HPSE2: variants seen among roughly 807,000 people sequenced by gnomAD.
HPSE2 encodes inactive heparanase-2.
In HPSE2, 38 loss-of-function variants were observed where a neutral mutation model predicts 60.5. The ratio of observed to expected loss-of-function variants is 0.63; its 90% CI spans 0.48 to 0.82. The LOEUF (loss-of-function observed/expected upper bound fraction) is 0.82. HPSE2 is among the 40% of genes least tolerant of loss of function. HPSE2 has a pLI of 0.00. For synonymous variants in HPSE2, 295 were observed against 293.2 expected (o/e 1.01, Z -0.06); for missense variants, 713 against 740.4 (o/e 0.96, Z 0.43).
intron 9 of HPSE2, among the ~76,000 whole-genome samples, chr10:98,539,571 G>A (rs1943395431): frequency 6.6e-6 from 1 of 152,112 alleles, no homozygotes; most frequent in Non-Finnish European, 1.5e-5. Context: ...AAAGCTGTGT[G>A]ATCCTGTTTT....
intron 3 of HPSE2, among the ~76,000 whole-genome samples, chr10:98,885,800 T>C (rs796622862): frequency 1.4e-4 from 21 of 152,242 alleles, no homozygotes; most frequent in African/African-American, 4.6e-4. Flanking sequence ...AAAAACCTCA[T>C]ATGACTTGCT....
intron 10 of HPSE2, among the ~76,000 whole-genome samples, chr10:98,486,853 T>C (rs1414264693): frequency 6.6e-6 from 1 of 152,192 alleles, no homozygotes; most frequent in Non-Finnish European, 1.5e-5. Context: ...AAAGCCCCTG[T>C]GTATTTTAAG....
intron 3 of HPSE2, among the ~76,000 whole-genome samples, chr10:99,119,723 T>C (rs556998837): frequency 8.5e-5 from 13 of 152,154 alleles, no homozygotes; most frequent in Admixed American, 3.9e-4. Context: ...CACCAAAACA[T>C]CATGGCACTG....
intron 9 of HPSE2, among the ~76,000 whole-genome samples, chr10:98,533,704 C>T (rs1425955251): frequency 6.6e-6 from 1 of 152,126 alleles, no homozygotes; most frequent in African/African-American, 2.4e-5. Flanking sequence ...GTAAATACTG[C>T]TCACCCTAAG....
chr10:98,562,721 A>G (rs1260784530), intron 9 of HPSE2, among the ~76,000 whole-genome samples: 1 of 151,866 alleles, frequency 6.6e-6, no homozygotes, highest in Non-Finnish European at 1.5e-5. Context: ...TCTCAAAAAA[A>G]AAAAAAAAAA....
At chr10:99,121,688 G>A (rs1844959637) in intron 3 of HPSE2, among the ~76,000 whole-genome samples, 1 of 152,118 alleles carries the variant, frequency 6.6e-6, no homozygotes, top group Non-Finnish European at 1.5e-5. Flanking sequence ...CAAGATTTAT[G>A]AGCTCTCCTG....
At chr10:98,822,826 G>A (rs1347042093) in intron 3 of HPSE2, among the ~76,000 whole-genome samples, 1 of 152,204 alleles carries the variant, frequency 6.6e-6, no homozygotes, top group Non-Finnish European at 1.5e-5. Context: ...GCGGAATGAT[G>A]GCTGCCCTCT....
At chr10:99,268,439 C>T in the HPSE2 span, among the ~76,000 whole-genome samples, 4 of 151,724 alleles carry the variant, frequency 2.6e-5, no homozygotes, top group South Asian at 2.1e-4. Context: ...GTCAGGAGTT[C>T]GAGAACAGCC....
intron 5 of HPSE2, among the ~76,000 whole-genome samples, chr10:98,706,727 G>A (rs1271758358): frequency 1.3e-5 from 2 of 152,160 alleles, no homozygotes; most frequent in East Asian, 3.9e-4. Flanking sequence ...AAAATGAGCT[G>A]TTCACAGAAG....
chr10:98,461,565 G>C (rs1940291522), intron 11 of HPSE2, among the ~76,000 whole-genome samples: 1 of 152,166 alleles, frequency 6.6e-6, no homozygotes, highest in African/African-American at 2.4e-5. Flanking sequence ...GCCCAGATGG[G>C]TCTTCACAGT....
rs186301197 is a variant in HPSE2, at chr10:98,564,366, G to A, written c.1320+50538C>T. 2.6e-5 allele frequency among the ~76,000 whole-genome samples: 4 copies of A among 152,268 alleles called. No homozygotes were observed. In the East Asian group the frequency reaches 7.7e-4, roughly 29 times the overall value. On this transcript the variant is annotated intron_variant, in intron 9 of 11. Coordinates refer to ENST00000370552, the MANE Select transcript of HPSE2 (RefSeq NM_021828.5). ...GTGTAATAGTAGTACTAAATTTATA[G>A]GCATTTTTTTGAGGATGAAGTGTGG...
At chr10:98,774,292 T>G (rs1950297598) in intron 3 of HPSE2, among the ~76,000 whole-genome samples, 1 of 152,022 alleles carries the variant, frequency 6.6e-6, no homozygotes, top group Admixed American at 6.6e-5. Flanking sequence ...GACTAATATA[T>G]TCAAGAGAAA....
chr10:99,083,147 G>A (rs1375993448), intron 3 of HPSE2, among the ~76,000 whole-genome samples: 1 of 152,182 alleles, frequency 6.6e-6, no homozygotes, highest in African/African-American at 2.4e-5. Context: ...AAGCCTTCAA[G>A]CATGTAAAGG....
rs1054574752 is a variant in HPSE2, at chr10:99,033,739, C to T, written c.610+110499G>A. Reference sequence around the variant, plus strand: ...TGAAGCTTGCAGTAAGCCAAGATGGCGCCACTCACTGCACTCCAGCCTGAG... The same window carrying T: ...TGAAGCTTGCAGTAAGCCAAGATGGTGCCACTCACTGCACTCCAGCCTGAG... On this transcript the variant is annotated intron_variant, in intron 3 of 11. Transcript: ENST00000370552. Among the ~76,000 whole-genome samples the T allele has an allele frequency of 3.3e-5, 5 of 151,616 alleles. No individual in the cohort carries two copies. In the South Asian group the frequency reaches 6.2e-4, roughly 19 times the overall value.
chr10:98,602,475 G>A (rs1404544085), intron 9 of HPSE2, among the ~76,000 whole-genome samples: 1 of 152,000 alleles, frequency 6.6e-6, no homozygotes, highest in Non-Finnish European at 1.5e-5. Context: ...TCTTGAAAAA[G>A]AACATATTCA....
At chr10:99,186,008 A>G (rs1238458475) in intron 2 of HPSE2, among the ~76,000 whole-genome samples, 1 of 151,998 alleles carries the variant, frequency 6.6e-6, no homozygotes, top group Non-Finnish European at 1.5e-5. Context: ...GAACAGGGCC[A>G]AAGAAATAAT....
intron 9 of HPSE2, among the ~76,000 whole-genome samples, chr10:98,556,886 T>G (rs908221453): frequency 2.0e-5 from 3 of 152,162 alleles, no homozygotes; most frequent in Non-Finnish European, 4.4e-5. Flanking sequence ...GGAAGAGACT[T>G]ATACCACCAG....
At chr10:99,007,664 G>C (rs1290468214) in intron 3 of HPSE2, among the ~76,000 whole-genome samples, 1 of 152,172 alleles carries the variant, frequency 6.6e-6, no homozygotes, top group Non-Finnish European at 1.5e-5. Flanking sequence ...GCCAGATTTT[G>C]CCTGGAGGCC....
chr10:98,701,923 G>T (rs1948421805), intron 5 of HPSE2, among the ~76,000 whole-genome samples: 2 of 152,086 alleles, frequency 1.3e-5, no homozygotes, highest in Admixed American at 1.3e-4. Context: ...TAACCAGATA[G>T]CATCATGATG....
Sources: gnomAD v4.1 joint callset for allele counts (sites outside exome capture counted in the v4.1 genomes callset) on GRCh38, gnomAD v4.1.1 for gene constraint, MANE v1.5 for transcripts, NCBI Gene and HGNC (gene_info 2026-07-23, HGNC 2026-07-21) for gene names.